NEO1: variants seen among roughly 807,000 people sequenced by gnomAD.
NEO1 encodes the protein neogenin 1.
NEO1 carries 63 observed loss-of-function variants against 159.7 expected under a neutral mutation model. That is an observed-to-expected ratio of 0.39 (90% confidence interval 0.32 to 0.49). NEO1 has a LOEUF of 0.49. NEO1 is among the 20% of genes least tolerant of loss of function. The pLI is 0.85. For missense variants in NEO1, 1,615 were observed against 1,831.0 expected (o/e 0.88, Z 2.15); for synonymous variants, 633 against 662.0 (o/e 0.96, Z 0.67).
rs528041294 is a variant in NEO1, at chr15:73,290,074, G to A, written c.3742+836G>A. Among the ~76,000 whole-genome samples, 19 of 152,176 alleles carry A rather than the reference G, an allele frequency of 1.2e-4. No individual in the cohort carries two copies. In the East Asian group the frequency reaches 2.1e-3, roughly 17 times the overall value. Reference sequence around the variant, plus strand: ...TTACTTGAACCCAGCGTTTAAGGTTGCATTGAGCTATGATTTTGCACCATT... The same window carrying A: ...TTACTTGAACCCAGCGTTTAAGGTTACATTGAGCTATGATTTTGCACCATT... On this transcript the variant is annotated intron_variant, in intron 25 of 28. Transcript: ENST00000261908.
At chr15:73,123,749 T>A (rs1340448701) in intron 3 of NEO1, among the ~76,000 whole-genome samples, 3 of 152,212 alleles carry the variant, frequency 2.0e-5, no homozygotes, top group Non-Finnish European at 4.4e-5. Context: ...CTGTTCTCAC[T>A]GCTAGGTGCC....
At chr15:73,163,379 C>T (rs2034328449) in intron 5 of NEO1, among the ~76,000 whole-genome samples, 1 of 152,146 alleles carries the variant, frequency 6.6e-6, no homozygotes, top group African/African-American at 2.4e-5. Context: ...TGCCCCTTCC[C>T]CATTCCCACC....
At chr15:73,214,777 A>G (rs1009779400) in intron 7 of NEO1, among the ~76,000 whole-genome samples, 4 of 152,118 alleles carry the variant, frequency 2.6e-5, no homozygotes, top group Non-Finnish European at 5.9e-5. Flanking sequence ...TGTTTGTTTC[A>G]TATGAATTTT....
intron 5 of NEO1, among the ~76,000 whole-genome samples, chr15:73,171,627 TTA>T (rs1019257936): frequency 1.4e-5 from 2 of 146,214 alleles, no homozygotes; most frequent in Non-Finnish European, 1.5e-5. Context: ...ATTATTATTA[TTA>T]TTATTATTAT....
intron 5 of NEO1, among the ~76,000 whole-genome samples, chr15:73,160,868 G>T (rs1461463005): frequency 6.6e-6 from 1 of 152,092 alleles, no homozygotes; most frequent in Non-Finnish European, 1.5e-5. Flanking sequence ...ATTGGCCACT[G>T]GTGATCAATT....
intron 7 of NEO1, 80 bp downstream of exon 7, chr15:73,178,507 T>C: frequency 6.6e-7 from 1 of 1,522,410 alleles, no homozygotes; most frequent in Non-Finnish European, 8.9e-7. Flanking sequence ...TAACTCATGA[T>C]TGATAACCCA....
At chr15:73,199,340 G>A (rs1355693204) in intron 7 of NEO1, among the ~76,000 whole-genome samples, 1 of 151,528 alleles carries the variant, frequency 6.6e-6, no homozygotes, top group African/African-American at 2.4e-5. Flanking sequence ...CTAAGGTAGT[G>A]TTTATCAGAT....
At chr15:73,063,687 A>G (rs188892645) in intron 1 of NEO1, among the ~76,000 whole-genome samples, 89 of 152,160 alleles carry the variant, frequency 5.8e-4, no homozygotes, top group African/African-American at 2.1e-3. Context: ...ACAGAGCATT[A>G]TGAGGCAAAG....
At chr15:73,188,576 C>A (rs898636376) in intron 7 of NEO1, among the ~76,000 whole-genome samples, 7 of 151,958 alleles carry the variant, frequency 4.6e-5, no homozygotes, top group African/African-American at 1.2e-4. Context: ...TCTGTTTTTC[C>A]TTTTTCAATT....
At chr15:73,184,954 A>C (rs1165655229) in intron 7 of NEO1, among the ~76,000 whole-genome samples, 1 of 152,134 alleles carries the variant, frequency 6.6e-6, no homozygotes, top group Non-Finnish European at 1.5e-5. Context: ...GAAAAGAAAA[A>C]GAAAAAAGAA....
At position 73,223,610 on chromosome 15, in the gene NEO1, G is replaced by A. The variant is rs895764052; in HGVS notation, c.1292-12737G>A. On this transcript the variant is annotated intron_variant, in intron 7 of 28. Coordinates refer to ENST00000261908, the MANE Select transcript of NEO1 (RefSeq NM_002499.4). ...GATATAAGAATAGCTACCCCTGCTC[G>A]CTTTTGGTGTCCATTTGCATGCAAT... Among the ~76,000 whole-genome samples, 48 of 150,004 alleles carry A rather than the reference G, an allele frequency of 3.2e-4. 1 individual carries two copies. The highest frequency in any genetic ancestry group is 1.1e-3 in the African/African-American group (44 of 41,304).
chr15:73,225,381 C>A (rs1027724317), intron 7 of NEO1, among the ~76,000 whole-genome samples: 5 of 152,222 alleles, frequency 3.3e-5, no homozygotes, highest in East Asian at 1.9e-4. Flanking sequence ...ATTATATACC[C>A]TTGTCTTCAG....
rs571398792 is a variant in NEO1, at chr15:73,079,393, A to G, written c.130+26588A>G. On this transcript the variant is annotated intron_variant, in intron 1 of 28. Coordinates refer to ENST00000261908, the MANE Select transcript of NEO1 (RefSeq NM_002499.4). ...AATCTTACTTTTGGACTTTTAAAATATATTTTTACTGCGTTATAGTTGAAA... is the reference window on the plus strand; with the variant it reads ...AATCTTACTTTTGGACTTTTAAAATGTATTTTTACTGCGTTATAGTTGAAA... Among the ~76,000 whole-genome samples, 349 of 152,322 alleles carry G rather than the reference A, an allele frequency of 2.3e-3. 1 individual carries two copies. Among genetic ancestry groups the G allele is most frequent in the Admixed American group, 4.3e-3 (66 of 15,300 alleles).
chr15:73,274,051 G>T, intron 20 of NEO1, 46 bp downstream of exon 20: 1 of 1,547,048 alleles, frequency 6.5e-7, no homozygotes, highest in East Asian at 2.2e-5. Context: ...CTCTTTAGTG[G>T]GGCTATGCTG....
chr15:73,178,112 C>T (rs889475030), intron 6 of NEO1, among the ~76,000 whole-genome samples, 195 bp from the exon 7 acceptor site: 2 of 152,094 alleles, frequency 1.3e-5, no homozygotes, highest in Non-Finnish European at 2.9e-5. Context: ...AGTATGTACT[C>T]TTCTATTCAG....
intron 7 of NEO1, among the ~76,000 whole-genome samples, chr15:73,201,952 TTC>T (rs1312862599): frequency 3.0e-4 from 42 of 140,790 alleles, no homozygotes; most frequent in African/African-American, 1.1e-3. Context: ...AGCTATATCA[TTC>T]TTTTTTTTTT....
intron 23 of NEO1, among the ~76,000 whole-genome samples, chr15:73,287,057 C>T (rs920495405): frequency 6.6e-5 from 10 of 152,220 alleles, no homozygotes; most frequent in Admixed American, 6.5e-4. Flanking sequence ...GAAGTTCACA[C>T]TCTTAGCATT....
chr15:73,071,115 T>G (rs1037872791), intron 1 of NEO1, among the ~76,000 whole-genome samples: 7 of 152,028 alleles, frequency 4.6e-5, no homozygotes, highest in Non-Finnish European at 8.8e-5. Flanking sequence ...ACCTGGCTAA[T>G]TTTAAAAATT....
At chr15:73,202,790 A>T (rs1257936304) in intron 7 of NEO1, among the ~76,000 whole-genome samples, 1 of 151,916 alleles carries the variant, frequency 6.6e-6, no homozygotes, top group African/African-American at 2.4e-5. Flanking sequence ...TTCAACAAAG[A>T]CTCCACATCC....
Sources: allele counts gnomAD v4.1 joint callset (sites outside exome capture counted in the v4.1 genomes callset), GRCh38; gene constraint gnomAD v4.1.1; transcripts MANE v1.5; gene names NCBI Gene and HGNC (gene_info 2026-07-23, HGNC 2026-07-21).